NUBPL: variants seen among roughly 807,000 people sequenced by gnomAD.
NUBPL encodes the protein NUBP iron-sulfur cluster assembly factor, mitochondrial.
Under a neutral mutation model 45.7 loss-of-function variants are expected in NUBPL, and 31 were observed. That is an observed-to-expected ratio of 0.68 (90% CI 0.51 to 0.92). The LOEUF (loss-of-function observed/expected upper bound fraction) is 0.92. NUBPL is among the 40% of genes least tolerant of loss of function. NUBPL has a pLI of 0.00. For synonymous variants in NUBPL, 144 were observed against 140.9 expected, an observed-to-expected ratio of 1.02 and a Z score of -0.15; for missense variants, 401 against 398.7, an observed-to-expected ratio of 1.01 and a Z score of -0.05.
chr14:31,802,470 G>A (rs565569395), intron 7 of NUBPL, among the ~76,000 whole-genome samples: 1 of 152,012 alleles, frequency 6.6e-6, no homozygotes, highest in African/African-American at 2.4e-5. Flanking sequence ...TAGAGACCGG[G>A]TTTCACCATG....
chr14:31,780,829 A>G (rs1458095171), intron 6 of NUBPL, among the ~76,000 whole-genome samples: 3 of 152,264 alleles, frequency 2.0e-5, no homozygotes, highest in African/African-American at 7.2e-5. Context: ...CTAATTTCAC[A>G]TCATGACATA....
At chr14:31,768,040 T>A (rs1340462042) in intron 6 of NUBPL, among the ~76,000 whole-genome samples, 1 of 152,250 alleles carries the variant, frequency 6.6e-6, no homozygotes, top group Non-Finnish European at 1.5e-5. Context: ...AATTTTATTG[T>A]CATTTATTTC....
intron 6 of NUBPL, among the ~76,000 whole-genome samples, chr14:31,755,080 T>G (rs1189077248): frequency 6.6e-6 from 1 of 152,098 alleles, no homozygotes; most frequent in African/African-American, 2.4e-5. Context: ...TGCCACATTT[T>G]CTTAATCCAG....
At chr14:31,598,868 CA>C (rs2034350945) in intron 3 of NUBPL, among the ~76,000 whole-genome samples, 1 of 152,132 alleles carries the variant, frequency 6.6e-6, no homozygotes, top group South Asian at 2.1e-4. Flanking sequence ...GTGTGTTAGA[CA>C]AGCTTTCCAA....
intron 6 of NUBPL, among the ~76,000 whole-genome samples, chr14:31,782,472 T>C (rs2039209318): frequency 6.6e-6 from 1 of 152,008 alleles, no homozygotes; most frequent in Admixed American, 6.6e-5. Context: ...TTTTTAACTC[T>C]TAGTAACCTT....
chr14:31,707,000 A>T (rs1267504345), intron 6 of NUBPL, among the ~76,000 whole-genome samples: 2 of 152,224 alleles, frequency 1.3e-5, no homozygotes, highest in Non-Finnish European at 2.9e-5. Context: ...GAGACCAATT[A>T]TTAGGCAATT....
chr14:31,612,579 C>G (rs191712229), intron 4 of NUBPL, among the ~76,000 whole-genome samples: 26 of 151,484 alleles, frequency 1.7e-4, no homozygotes, highest in Admixed American at 5.9e-4. Flanking sequence ...GAGAATTGCT[C>G]GAACCCAGGA....
chr14:31,832,935 G>T (rs2040216505), intron 8 of NUBPL, among the ~76,000 whole-genome samples: 1 of 152,190 alleles, frequency 6.6e-6, no homozygotes, highest in Admixed American at 6.5e-5. Context: ...GTTCCTGGCA[G>T]TCTAAGCACT....
At chr14:31,745,276 C>T (rs527824554) in intron 6 of NUBPL, among the ~76,000 whole-genome samples, 2 of 152,118 alleles carry the variant, frequency 1.3e-5, no homozygotes, top group African/African-American at 2.4e-5. Flanking sequence ...TGTTCAATTC[C>T]CACCTATGAT....
intron 3 of NUBPL, among the ~76,000 whole-genome samples, chr14:31,575,433 C>T (rs543860084): frequency 6.6e-6 from 1 of 152,238 alleles, no homozygotes; most frequent in African/African-American, 2.4e-5. Flanking sequence ...TACCTAATAA[C>T]GTTGTTGTGA....
intron 7 of NUBPL, among the ~76,000 whole-genome samples, chr14:31,805,466 G>A (rs1413146890): frequency 2.0e-5 from 3 of 152,108 alleles, no homozygotes; most frequent in African/African-American, 7.2e-5. Context: ...ACATGCACGT[G>A]TACATTTGTT....
intron 6 of NUBPL, among the ~76,000 whole-genome samples, chr14:31,699,585 T>A (rs1174083649): frequency 6.6e-6 from 1 of 152,124 alleles, no homozygotes; most frequent in African/African-American, 2.4e-5. Context: ...TTTAAAATTT[T>A]AAATTTTTGC....
chr14:31,825,773 C>T (rs1469680689), intron 7 of NUBPL, among the ~76,000 whole-genome samples: 1 of 148,496 alleles, frequency 6.7e-6, no homozygotes, highest in African/African-American at 2.5e-5. Flanking sequence ...TCTTCTTCCT[C>T]CTCCTTTTTC....
intron 4 of NUBPL, among the ~76,000 whole-genome samples, chr14:31,654,848 A>G (rs1051334162): frequency 1.2e-4 from 19 of 152,326 alleles, no homozygotes; most frequent in Admixed American, 5.2e-4. Flanking sequence ...ATTGGAGTCA[A>G]TTCTCTCAAG....
intron 4 of NUBPL, among the ~76,000 whole-genome samples, chr14:31,647,575 C>T (rs2139724428): frequency 6.6e-6 from 1 of 152,284 alleles, no homozygotes; most frequent in East Asian, 1.9e-4. Context: ...TAACACACCT[C>T]CTACAATGTG....
At chr14:31,588,073 G>A (rs1462669446) in intron 3 of NUBPL, among the ~76,000 whole-genome samples, 2 of 152,146 alleles carry the variant, frequency 1.3e-5, no homozygotes, top group African/African-American at 4.8e-5. Context: ...AACTTAATTT[G>A]TTGTATTGGC....
At chr14:31,613,512 TGC>T in intron 4 of NUBPL, among the ~76,000 whole-genome samples, 1 of 151,924 alleles carries the variant, frequency 6.6e-6, no homozygotes, top group Non-Finnish European at 1.5e-5. Flanking sequence ...AGTGCAGTGG[TGC>T]GATCTCAGGT....
At chr14:31,791,108 A>AAC (rs2039374083) in intron 7 of NUBPL, among the ~76,000 whole-genome samples, 1 of 150,662 alleles carries the variant, frequency 6.6e-6, no homozygotes, top group Non-Finnish European at 1.5e-5. Flanking sequence ...ATCTGTACAA[A>AAC]AGAATATTAA....
At chr14:31,640,075 C>T (rs928592799) in intron 4 of NUBPL, among the ~76,000 whole-genome samples, 17 of 152,114 alleles carry the variant, frequency 1.1e-4, no homozygotes, top group East Asian at 3.9e-4. Flanking sequence ...GGCTCCGGCA[C>T]GGTGCACTGC....
Sources: gnomAD v4.1 joint callset for allele counts (sites outside exome capture counted in the v4.1 genomes callset) on GRCh38, gnomAD v4.1.1 for gene constraint, MANE v1.5 for transcripts, NCBI Gene and HGNC (gene_info 2026-07-23, HGNC 2026-07-21) for gene names.